SUSD3: variants seen among roughly 807,000 people sequenced by gnomAD.
The protein encoded by SUSD3 is sushi domain containing 3.
A neutral mutation model predicts 20.6 loss-of-function variants in SUSD3; 18 were observed. The observed-to-expected ratio is 0.87, with a 90% CI of 0.60 to 1.30. SUSD3 has a LOEUF of 1.30. Among genes scored for constraint, SUSD3 ranks in the 50% most tolerant of loss-of-function variants. The pLI is 0.00. For missense variants in SUSD3, 306 were observed against 346.9 expected (o/e 0.88, Z 0.94); for synonymous variants, 137 against 141.5 (o/e 0.97, Z 0.23).
rs56872294 is a variant in SUSD3, at chr9:93,074,431, CAAAAAAAAAAAA to C, written c.89-1337_89-1326del. 1.8e-4 allele frequency among the ~76,000 whole-genome samples: 7 copies of C among 38,876 alleles called. No individual in the cohort carries two copies. In the South Asian group the frequency reaches 3.0e-3, roughly 17 times the overall value. 25.5% of individuals were successfully genotyped at this position (38,876 alleles called of 152,430 possible). A position where few individuals can be genotyped will look rare whatever the true frequency, so the allele number is the denominator to read the frequency against. ...TGGGCGACAGGGCAAGACTCTGACT[CAAAAAAAAAAAA>C]AAAAAAAAAAAAAAAGAACATCACT... is the stretch of plus-strand genomic sequence containing the variant. On this transcript the variant is annotated intron_variant, in intron 1 of 4. Transcript: ENST00000375472.
chr9:93,074,965 T>C (rs1035084982), intron 1 of SUSD3, among the ~76,000 whole-genome samples: 2 of 152,168 alleles, frequency 1.3e-5, no homozygotes, highest in Non-Finnish European at 2.9e-5. Flanking sequence ...AGGGTGCTTA[T>C]TGCATTTACC....
chr9:93,058,956 A>G (rs545172462), intron 1 of SUSD3, 126 bp downstream of exon 1: 278 of 512,026 alleles, frequency 5.4e-4, no homozygotes, highest in African/African-American at 5.2e-3. Context: ...ATCTGCCCCG[A>G]GGACGAACCT....
chr9:93,076,373 A>C (rs1312888353), intron 2 of SUSD3, among the ~76,000 whole-genome samples: 1 of 152,120 alleles, frequency 6.6e-6, no homozygotes, highest in Non-Finnish European at 1.5e-5. Flanking sequence ...CTTTAATAGG[A>C]TATTTCACGT....
In SUSD3 at chr9:93,075,985, C is replaced by T. The variant is rs200817329; in HGVS notation, c.277+13C>T. On this transcript the variant is annotated intron_variant, in intron 2 of 4. Transcript: ENST00000375472. The stretch of plus-strand genomic sequence containing the variant: ...CCAGTGTGCAAACGTAAGGACCCCT[C>T]TCTCAGCTCGGTGGCTCTGGGGGTG... 2,212 of 1,572,776 alleles carry T rather than the reference C, an allele frequency of 1.4e-3. 4 individuals carry two copies. The highest frequency in any genetic ancestry group is 1.7e-3 in the Non-Finnish European group (1,920 of 1,153,338).
chr9:93,075,102 T>A (rs894454939), intron 1 of SUSD3, among the ~76,000 whole-genome samples: 2 of 152,176 alleles, frequency 1.3e-5, no homozygotes, highest in Non-Finnish European at 2.9e-5. Context: ...AGCTCTCCCT[T>A]GAATCAACAT....
chr9:93,080,748 G>A (rs1350059371), intron 4 of SUSD3, among the ~76,000 whole-genome samples: 10 of 152,228 alleles, frequency 6.6e-5, no homozygotes, highest in Non-Finnish European at 1.0e-4. Flanking sequence ...TGGTCTCAGC[G>A]TGCAAGGCTG....
At chr9:93,070,474 G>A (rs1390950374) in intron 1 of SUSD3, among the ~76,000 whole-genome samples, 2 of 152,214 alleles carry the variant, frequency 1.3e-5, no homozygotes, top group African/African-American at 4.8e-5. Flanking sequence ...AAAGGATGGG[G>A]GCAGCCCGGG....
In SUSD3 at chr9:93,078,143, C is replaced by G. The variant is rs753652901; in HGVS notation, c.425+150C>G. 101 of 1,110,838 alleles carry G rather than the reference C, an allele frequency of 9.1e-5. No homozygotes were observed. The East Asian group carries it at 1.1e-3, about 12-fold the overall frequency. The allele number at this position is 1,110,838 out of a possible 1,614,324, so 68.8% of individuals were successfully genotyped here. On this transcript the variant is annotated intron_variant, in intron 3 of 4. Transcript: ENST00000375472. Reference sequence around the variant, plus strand: ...GCTGCTCTGGGCCTGCGTCTCCCCCCCAAGTGCTGCTCCCGGCCCACGCAG... The same window carrying G: ...GCTGCTCTGGGCCTGCGTCTCCCCCGCAAGTGCTGCTCCCGGCCCACGCAG...
Position 93,062,187 on chromosome 9 carries a change from G to A in SUSD3, c.88+3357G>A, listed in dbSNP as rs548709861. ...CAGGTGGCCAGGCAGAGGCGCAGGC[G>A]CGGCATGTGGGCTGAGGGCCGCTCA... On this transcript the variant is annotated intron_variant, in intron 1 of 4. Transcript: ENST00000375472. Among the ~76,000 whole-genome samples, 246 of 152,336 alleles carry A rather than the reference G, an allele frequency of 1.6e-3. 9 individuals are homozygous for A. In the South Asian group the frequency reaches 0.044, roughly 27 times the overall value.
intron 3 of SUSD3, 117 bp downstream of exon 3, chr9:93,078,110 C>G (rs1826245195): frequency 3.6e-6 from 5 of 1,380,238 alleles, no homozygotes; most frequent in Non-Finnish European, 4.0e-6. Context: ...GCACCCGTTC[C>G]TACCACTGCT....
intron 1 of SUSD3, among the ~76,000 whole-genome samples, chr9:93,065,224 C>T (rs79972739): frequency 0.069 from 10,501 of 152,260 alleles, 448 homozygotes; most frequent in South Asian, 0.11. Flanking sequence ...TGCCTGGACA[C>T]GCACCAGCTT....
intron 1 of SUSD3, among the ~76,000 whole-genome samples, chr9:93,067,956 C>G (rs528298749): frequency 2.0e-5 from 3 of 152,242 alleles, no homozygotes; most frequent in African/African-American, 7.2e-5. Context: ...TTTGTATTTC[C>G]CTGAAGGTTA....
At chr9:93,077,759 C>T in intron 2 of SUSD3, 87 bp from the exon 3 acceptor site, 1 of 1,485,266 alleles carries the variant, frequency 6.7e-7, no homozygotes, top group Non-Finnish European at 9.2e-7. Context: ...CCAGGCCCTA[C>T]CCGTACCACC....
At position 93,075,802 on chromosome 9, in the gene SUSD3, G is replaced by A. The variant is rs373769555; in HGVS notation, c.107G>A (p.Arg36Gln). 16 of 1,547,450 alleles carry A rather than the reference G, an allele frequency of 1.0e-5. No individual in the cohort carries two copies. In the African/African-American group the frequency reaches 1.3e-4, roughly 13 times the overall value. Reference sequence around the variant, plus strand: ...TCCCCAGGCACGTGCGCTAAGCTGCGGCTACCCCCGCAAGCAACCTTCCAA... The same window carrying A: ...TCCCCAGGCACGTGCGCTAAGCTGCAGCTACCCCCGCAAGCAACCTTCCAA... ...GNRTGTCAKL[R>Q]LPPQATFQVL... Residue 36 changes from arginine to glutamine, a missense_variant, in exon 2 of 5, where the codon CGG (arginine) becomes CAG (glutamine). Transcript: ENST00000375472.
At chr9:93,060,758 C>T (rs933322976) in intron 1 of SUSD3, among the ~76,000 whole-genome samples, 9 of 152,290 alleles carry the variant, frequency 5.9e-5, no homozygotes, top group Middle Eastern at 3.4e-3. Context: ...GGATTGCTTT[C>T]GTCCAGAGTT....
chr9:93,067,586 C>T (rs1010161103), intron 1 of SUSD3, among the ~76,000 whole-genome samples: 12 of 151,544 alleles, frequency 7.9e-5, no homozygotes, highest in Admixed American at 2.0e-4. Context: ...CCTAACACTT[C>T]GTATTGTCTG....
At chr9:93,067,570 A>G (rs1453027837) in intron 1 of SUSD3, among the ~76,000 whole-genome samples, 1 of 147,034 alleles carries the variant, frequency 6.8e-6, no homozygotes, top group Non-Finnish European at 1.5e-5. Context: ...GTTTCTCCAC[A>G]TTTTTCCTAA....
At chr9:93,068,366 C>T (rs10992623) in intron 1 of SUSD3, among the ~76,000 whole-genome samples, 55,204 of 152,126 alleles carry the variant, frequency 0.36, 16,316 homozygotes, top group African/African-American at 0.82. Context: ...TTAATTTTAG[C>T]ATATGGTATG....
intron 1 of SUSD3, 125 bp downstream of exon 1, chr9:93,058,955 G>C (rs1564181653): frequency 5.7e-6 from 3 of 525,694 alleles, no homozygotes; most frequent in East Asian, 7.1e-5. Flanking sequence ...GATCTGCCCC[G>C]AGGACGAACC....
Sources: allele counts gnomAD v4.1 joint callset (sites outside exome capture counted in the v4.1 genomes callset), GRCh38; gene constraint gnomAD v4.1.1; transcripts MANE v1.5; gene names NCBI Gene and HGNC (gene_info 2026-07-23, HGNC 2026-07-21).